The following ADAMTSL1 variants were observed in gnomAD, a reference collection of about 807,000 sequenced individuals.
ADAMTSL1 encodes ADAMTS-like protein 1.
Under a neutral mutation model 201.8 loss-of-function variants are expected in ADAMTSL1, and 126 were observed. The ratio of observed to expected loss-of-function variants is 0.62; its 90% CI spans 0.54 to 0.72. The LOEUF (loss-of-function observed/expected upper bound fraction) is 0.72, where lower values mean the gene tolerates loss of function less well. Ranked by LOEUF, ADAMTSL1 falls within the 30% of genes least tolerant of loss-of-function variation. ADAMTSL1 has a pLI of 0.00. For missense variants in ADAMTSL1, 2,679 were observed against 2,277.8 expected, an observed-to-expected ratio of 1.18 and a Z score of -3.59; for synonymous variants, 1,121 against 903.4, an observed-to-expected ratio of 1.24 and a Z score of -4.32.
intron 2 of ADAMTSL1, among the ~76,000 whole-genome samples, chr9:18,214,623 G>C (rs922445489): frequency 6.6e-6 from 1 of 152,208 alleles, no homozygotes; most frequent in Non-Finnish European, 1.5e-5. Flanking sequence ...CTTTGCAGAA[G>C]CTAACTTTGA....
chr9:18,780,700 G>A (rs1821345240), intron 19 of ADAMTSL1, among the ~76,000 whole-genome samples: 1 of 152,062 alleles, frequency 6.6e-6, no homozygotes, highest in African/African-American at 2.4e-5. Context: ...AAGCATATAT[G>A]CACACATAGG....
chr9:18,123,804 A>G (rs1428444350), intron 1 of ADAMTSL1, among the ~76,000 whole-genome samples: 1 of 152,186 alleles, frequency 6.6e-6, no homozygotes, highest in Non-Finnish European at 1.5e-5. Context: ...TCTATTTCAT[A>G]TCTCTGGATT....
chr9:18,091,065 ATGCATGTG>A (rs1363105675), intron 1 of ADAMTSL1, among the ~76,000 whole-genome samples: 1 of 98,338 alleles, frequency 1.0e-5, no homozygotes, highest in African/African-American at 4.8e-5. Context: ...GTGTGTGTAT[ATGCATGTG>A]TGTGTGTGTG....
At chr9:18,540,843 G>A (rs10756968) in intron 3 of ADAMTSL1, among the ~76,000 whole-genome samples, 35,061 of 152,004 alleles carry the variant, frequency 0.23, 4,624 homozygotes, top group East Asian at 0.61. Flanking sequence ...TTGCAGGAAC[G>A]TTGATTTCTT....
At chr9:18,884,386 T>C (rs533537270) in intron 23 of ADAMTSL1, among the ~76,000 whole-genome samples, 1 of 152,352 alleles carries the variant, frequency 6.6e-6, no homozygotes, top group Admixed American at 6.5e-5. Context: ...ACTCACTTGA[T>C]GGTGTCTTAT....
intron 23 of ADAMTSL1, among the ~76,000 whole-genome samples, chr9:18,842,340 G>C (rs1336401619): frequency 1.3e-5 from 2 of 152,096 alleles, no homozygotes. Flanking sequence ...CCATGTAGTT[G>C]AGCAGTTTTG....
chr9:18,247,807 T>C (rs1331693082), intron 2 of ADAMTSL1, among the ~76,000 whole-genome samples: 1 of 152,008 alleles, frequency 6.6e-6, no homozygotes, highest in Non-Finnish European at 1.5e-5. Flanking sequence ...ATACCAGTTG[T>C]AGACAAAAGA....
intron 2 of ADAMTSL1, among the ~76,000 whole-genome samples, chr9:18,287,392 T>C (rs1323999659): frequency 6.6e-6 from 1 of 151,944 alleles, no homozygotes; most frequent in Non-Finnish European, 1.5e-5. Flanking sequence ...TATGTGTGTA[T>C]ATATGCACAT....
chr9:17,946,708 A>G (rs1389523140), intron 1 of ADAMTSL1, among the ~76,000 whole-genome samples: 2 of 152,134 alleles, frequency 1.3e-5, no homozygotes, highest in Admixed American at 1.3e-4. Flanking sequence ...CTTTCATGCT[A>G]TTTGAGGAGC....
chr9:18,448,305 C>T (rs1763929102), intron 2 of ADAMTSL1, among the ~76,000 whole-genome samples: 2 of 152,136 alleles, frequency 1.3e-5, no homozygotes, highest in Non-Finnish European at 1.5e-5. Context: ...ACACAGGACA[C>T]TGGATGAGCT....
At chr9:18,706,590 A>G (rs1353217635) in intron 13 of ADAMTSL1, 157 bp from the exon 14 acceptor site, 1 of 709,012 alleles carries the variant, frequency 1.4e-6, no homozygotes, top group African/African-American at 1.8e-5. Flanking sequence ...CTTATGAACT[A>G]AACTGAAGCG....
chr9:18,543,490 C>G (rs778712591), intron 3 of ADAMTSL1, among the ~76,000 whole-genome samples: 1 of 152,158 alleles, frequency 6.6e-6, no homozygotes, highest in South Asian at 2.1e-4. Flanking sequence ...CTTTCAGTAT[C>G]TTGCAAATAA....
At chr9:17,981,202 A>T (rs1439486962) in intron 1 of ADAMTSL1, among the ~76,000 whole-genome samples, 2 of 152,198 alleles carry the variant, frequency 1.3e-5, no homozygotes, top group Non-Finnish European at 1.5e-5. Flanking sequence ...GAATGCCCTC[A>T]CCAGATACCA....
chr9:18,092,695 T>G (rs1421776203), intron 1 of ADAMTSL1, among the ~76,000 whole-genome samples: 1 of 152,192 alleles, frequency 6.6e-6, no homozygotes, highest in Non-Finnish European at 1.5e-5. Flanking sequence ...CCCACAAAGA[T>G]AGTCTAGTCA....
intron 1 of ADAMTSL1, among the ~76,000 whole-genome samples, chr9:18,006,615 T>C (rs1325134522): frequency 6.6e-6 from 1 of 151,974 alleles, no homozygotes; most frequent in Non-Finnish European, 1.5e-5. Flanking sequence ...CTTGGATATA[T>C]CCCATGGTCT....
intron 2 of ADAMTSL1, among the ~76,000 whole-genome samples, chr9:18,270,898 C>T (rs1483216763): frequency 2.6e-5 from 4 of 152,146 alleles, no homozygotes; most frequent in African/African-American, 9.7e-5. Flanking sequence ...TGCATAGTCT[C>T]TTTCCCTGTT....
intron 15 of ADAMTSL1, among the ~76,000 whole-genome samples, chr9:18,734,791 A>G (rs958914310): frequency 6.6e-6 from 1 of 152,116 alleles, no homozygotes; most frequent in African/African-American, 2.4e-5. Context: ...TTGATATACT[A>G]ATTAGATATT....
Position 18,135,212 on chromosome 9 carries a change from C to T in ADAMTSL1, c.88-28650C>T, listed in dbSNP as rs188630463. On this transcript the variant is annotated intron_variant, in intron 1 of 29. Coordinates refer to the ADAMTSL1 transcript ENST00000680146. The stretch of plus-strand genomic sequence containing the variant: ...CTCTAGTTAAGTAAAAAACATAAAA[C>T]GCTGCAGTTAGGAAATAGTCACAAT... 5.9e-5 allele frequency among the ~76,000 whole-genome samples: 9 copies of T among 152,156 alleles called. No homozygotes were observed. The East Asian group carries it at 9.7e-4, about 16-fold the overall frequency.
chr9:18,456,363 G>C (rs1481999237), intron 2 of ADAMTSL1, among the ~76,000 whole-genome samples: 1 of 152,138 alleles, frequency 6.6e-6, no homozygotes, highest in African/African-American at 2.4e-5. Context: ...GAAATCCTGA[G>C]CTAACACATT....
Sources: allele counts gnomAD v4.1 joint callset (sites outside exome capture counted in the v4.1 genomes callset), GRCh38; gene constraint gnomAD v4.1.1; transcripts MANE v1.5; gene names NCBI Gene and HGNC (gene_info 2026-07-23, HGNC 2026-07-21).